OSBPL6: variants seen among roughly 807,000 people sequenced by gnomAD.
The protein encoded by OSBPL6 is oxysterol binding protein like 6, also known as oxysterol-binding protein-related protein 6.
In OSBPL6, 49 loss-of-function variants were observed where a neutral mutation model predicts 125.8. That is an observed-to-expected ratio of 0.39 (90% CI 0.31 to 0.49). OSBPL6 has a LOEUF of 0.49. OSBPL6 is among the 20% of genes least tolerant of loss of function. The pLI is 0.88. For missense variants in OSBPL6, 986 were observed against 1,135.4 expected (o/e 0.87, Z 1.89); for synonymous variants, 394 against 391.8 (o/e 1.01, Z -0.07).
chr2:178,297,681 A>T (rs1377705198), intron 2 of OSBPL6, among the ~76,000 whole-genome samples: 1 of 152,232 alleles, frequency 6.6e-6, no homozygotes, highest in Non-Finnish European at 1.5e-5. Flanking sequence ...ATATGTTCAG[A>T]AATATATGTA....
chr2:178,311,016 G>C (rs1687224203), intron 3 of OSBPL6, among the ~76,000 whole-genome samples: 1 of 152,154 alleles, frequency 6.6e-6, no homozygotes, highest in African/African-American at 2.4e-5. Context: ...AGTTGGAGTA[G>C]TACCTTCACA....
chr2:178,391,763 A>G (rs1355878515), intron 22 of OSBPL6, among the ~76,000 whole-genome samples: 1 of 152,232 alleles, frequency 6.6e-6, no homozygotes, highest in Non-Finnish European at 1.5e-5. Flanking sequence ...TGGAACAAGT[A>G]TCCACATGAC....
chr2:178,207,128 C>T (rs953784065), intron 1 of OSBPL6, among the ~76,000 whole-genome samples: 1 of 152,074 alleles, frequency 6.6e-6, no homozygotes, highest in African/African-American at 2.4e-5. Context: ...TGTGGGTGCA[C>T]CTGTGAGTGC....
chr2:178,251,572 C>T (rs2091694982), intron 1 of OSBPL6, among the ~76,000 whole-genome samples: 1 of 152,030 alleles, frequency 6.6e-6, no homozygotes, highest in Non-Finnish European at 1.5e-5. Context: ...TATAATATGT[C>T]ATTCTGGCAA....
intron 9 of OSBPL6, among the ~76,000 whole-genome samples, chr2:178,336,795 T>C (rs1328055809): frequency 6.6e-6 from 1 of 152,212 alleles, no homozygotes; most frequent in African/African-American, 2.4e-5. Context: ...AAGGAGAGCC[T>C]ACTCTGCCCA....
At chr2:178,257,979 C>T (rs879735137) in intron 1 of OSBPL6, among the ~76,000 whole-genome samples, 1 of 151,712 alleles carries the variant, frequency 6.6e-6, no homozygotes, top group Non-Finnish European at 1.5e-5. Flanking sequence ...TTTGTAGAAA[C>T]AGGGTCTACC....
intron 15 of OSBPL6, among the ~76,000 whole-genome samples, chr2:178,378,948 T>G (rs1694146445): frequency 6.6e-6 from 1 of 152,104 alleles, no homozygotes; most frequent in Non-Finnish European, 1.5e-5. Context: ...GGATGATTGC[T>G]TGAACCAGGA....
At chr2:178,193,919 G>A (rs148371931), upstream of OSBPL6, among the ~76,000 whole-genome samples, 3 of 152,318 alleles carry the variant, frequency 2.0e-5, no homozygotes, top group Non-Finnish European at 4.4e-5. Context: ...GTCAGGGACG[G>A]GAGCAGGCAC....
At chr2:178,374,488 G>A (rs1281477861) in intron 15 of OSBPL6, among the ~76,000 whole-genome samples, 3 of 152,196 alleles carry the variant, frequency 2.0e-5, no homozygotes, top group Non-Finnish European at 1.5e-5. Context: ...AGCTAGTTGG[G>A]TAATTATGCT....
rs200818424 is a variant in OSBPL6 at position 178,382,441 on chromosome 2, A to C, written c.1555A>C (p.Ile519Leu). 167 of 1,613,076 alleles carry C rather than the reference A, an allele frequency of 1.0e-4. No individual in the cohort carries two copies. Among genetic ancestry groups the C allele is most frequent in the Non-Finnish European group, 1.2e-4 (147 of 1,179,572 alleles). The change falls in exon 16 of 25, where the codon ATC (isoleucine) becomes CTC (leucine). Residue 519 changes from isoleucine to leucine, a missense_variant. Ile to Leu is a conservative substitution (Grantham distance 5). This residue lies in a region of OSBPL6 where 843 missense variants were observed against 997.3 expected (regional missense o/e 0.85). Transcript: ENST00000190611. ...ENEASDDESY[I>L]SDVSDNISED... is the part of the protein sequence containing the mutation. ...TTAGGCTTCAGATGATGAGTCTTAC[A>C]TCAGTGATGTGAGTGATAATATATC...
At chr2:178,292,662 A>G (rs1456071090) in intron 2 of OSBPL6, among the ~76,000 whole-genome samples, 1 of 152,132 alleles carries the variant, frequency 6.6e-6, no homozygotes, top group Non-Finnish European at 1.5e-5. Flanking sequence ...CATCCAGCAA[A>G]GTCTATTGAG....
intron 1 of OSBPL6, among the ~76,000 whole-genome samples, chr2:178,250,965 A>C (rs74542281): frequency 0.015 from 2,214 of 152,262 alleles, 37 homozygotes; most frequent in African/African-American, 0.05. Flanking sequence ...GAATAAAAAA[A>C]AAAAAAGAAA....
intron 4 of OSBPL6, among the ~76,000 whole-genome samples, chr2:178,324,808 G>T (rs1429326078): frequency 1.3e-5 from 2 of 152,144 alleles, no homozygotes; most frequent in Non-Finnish European, 2.9e-5. Flanking sequence ...AAGTAAATAA[G>T]CTATCAAGGA....
At chr2:178,271,679 C>T (rs868049263) in intron 1 of OSBPL6, among the ~76,000 whole-genome samples, 1 of 152,122 alleles carries the variant, frequency 6.6e-6, no homozygotes, top group Non-Finnish European at 1.5e-5. Flanking sequence ...ATTTTGACCT[C>T]GATTTGCATG....
chr2:178,332,839 C>A (rs761495798), intron 7 of OSBPL6, 32 bp from the exon 8 acceptor site: 1 of 1,608,270 alleles, frequency 6.2e-7, no homozygotes, highest in Non-Finnish European at 8.5e-7. Flanking sequence ...AGTTATTTTA[C>A]AATTACTTTC....
intron 1 of OSBPL6, among the ~76,000 whole-genome samples, chr2:178,223,918 G>C (rs1458172908): frequency 1.3e-5 from 2 of 152,204 alleles, no homozygotes; most frequent in Non-Finnish European, 2.9e-5. Flanking sequence ...GGGTTGGCTA[G>C]TGTGACCTTC....
chr2:178,387,173 T>G (rs746142081), intron 20 of OSBPL6, 34 bp downstream of exon 20: 2 of 1,496,666 alleles, frequency 1.3e-6, no homozygotes, highest in East Asian at 4.5e-5. Context: ...TGGCCTCTTG[T>G]CTGCTTTTCT....
intron 11 of OSBPL6, among the ~76,000 whole-genome samples, chr2:178,347,344 AT>A (rs911357277): frequency 2.0e-5 from 3 of 151,984 alleles, no homozygotes; most frequent in Admixed American, 6.6e-5. Context: ...ACCCGCATTT[AT>A]TTTTTTTAAT....
intron 2 of OSBPL6, among the ~76,000 whole-genome samples, chr2:178,297,587 T>A (rs1298912811): frequency 1.3e-5 from 2 of 152,238 alleles, no homozygotes; most frequent in Non-Finnish European, 2.9e-5. Flanking sequence ...TTGTGGCTCA[T>A]GACATTTGAC....
Sources: allele counts gnomAD v4.1 joint callset (sites outside exome capture counted in the v4.1 genomes callset), GRCh38; gene constraint gnomAD v4.1.1; regional missense constraint gnomAD v4.1.1; transcripts MANE v1.5; gene names NCBI Gene and HGNC (gene_info 2026-07-23, HGNC 2026-07-21).